The following RNF168 variants were observed in gnomAD, a reference collection of about 807,000 sequenced individuals.
RNF168 encodes the protein ring finger protein 168, also known as E3 ubiquitin-protein ligase RNF168.
Under a neutral mutation model 34.9 loss-of-function variants are expected in RNF168, and 34 were observed. The observed-to-expected ratio is 0.97, with a 90% CI of 0.74 to 1.30. The LOEUF (loss-of-function observed/expected upper bound fraction) is 1.30. Among genes scored for constraint, RNF168 ranks in the 50% most tolerant of loss-of-function variants. RNF168 has a pLI of 0.00. For synonymous variants in RNF168, 264 were observed against 254.7 expected (o/e 1.04, Z -0.35); for missense variants, 725 against 682.5 (o/e 1.06, Z -0.69).
chr3:196,479,461 G>A lies in RNF168; in HGVS notation c.681-4149C>T, dbSNP rs77684804. 1.2e-4 allele frequency among the ~76,000 whole-genome samples: 18 copies of A among 151,608 alleles called. No homozygotes were observed. The East Asian group carries it at 1.9e-3, about 16-fold the overall frequency. On this transcript the variant is annotated intron_variant, in intron 4 of 5. Coordinates refer to ENST00000318037, the MANE Select transcript of RNF168 (RefSeq NM_152617.4). ...CTGAGACCACAGGCACACCACGCCC[G>A]GCTAATTTTTGTTATTTTTTGTAGA...
intron 4 of RNF168, among the ~76,000 whole-genome samples, chr3:196,477,928 AG>A (rs1732186032): frequency 1.3e-5 from 2 of 152,166 alleles, no homozygotes; most frequent in Non-Finnish European, 2.9e-5. Flanking sequence ...AAAATTAAAA[AG>A]AAAAATTAGC....
Position 196,503,351 on chromosome 3 carries a change from G to A in RNF168, c.-178C>T, listed in dbSNP as rs1361104007. 11 of 653,532 alleles carry A rather than the reference G, an allele frequency of 1.7e-5. No individual in the cohort carries two copies. The highest frequency in any genetic ancestry group is 2.5e-5 in the Non-Finnish European group (9 of 366,796). The allele number at this position is 653,532 out of a possible 1,614,324, so 40.5% of individuals were successfully genotyped here. The stretch of plus-strand genomic sequence containing the variant: ...TCTTGAAGCAAAAAGGCGCTCTCAG[G>A]GTCAGGCAAACAGGAATACCCCGGA... On this transcript the variant is annotated 5_prime_UTR_variant, in exon 1 of 6. Coordinates refer to ENST00000318037, the MANE Select transcript of RNF168 (RefSeq NM_152617.4).
Position 196,487,274 on chromosome 3 carries a change from G to A in RNF168, c.558+125C>T, listed in dbSNP as rs972652763. 2.2e-5 allele frequency: 20 copies of A among 894,724 alleles called. No homozygotes were observed. The African/African-American group carries it at 3.1e-4, about 14-fold the overall frequency. 55.4% of individuals were successfully genotyped at this position (894,724 alleles called of 1,614,324 possible). On this transcript the variant is annotated intron_variant, in intron 3 of 5. Transcript: ENST00000318037. Reference sequence around the variant, plus strand: ...ACTCAAATCCAACCAGCCTGGGGTGGAAAAGACAATATTTGTGGGATGCAG... The same window carrying A: ...ACTCAAATCCAACCAGCCTGGGGTGAAAAAGACAATATTTGTGGGATGCAG...
In RNF168 at chr3:196,478,502, C is replaced by T. The variant is rs137985286; in HGVS notation, c.681-3190G>A. ...TTCCGACATGTGGCTCCACGGGAGT[C>T]GCTCTCGGCCTACTCTGGCTCGAGA... On this transcript the variant is annotated intron_variant, in intron 4 of 5. Coordinates refer to ENST00000318037, the MANE Select transcript of RNF168 (RefSeq NM_152617.4). 6.8e-3 allele frequency among the ~76,000 whole-genome samples: 1,035 copies of T among 152,294 alleles called. 15 individuals are homozygous for T. The highest frequency in any genetic ancestry group is 0.024 in the Middle Eastern group (7 of 294).
At chr3:196,493,128 C>T (rs1480329437) in intron 1 of RNF168, among the ~76,000 whole-genome samples, 1 of 152,098 alleles carries the variant, frequency 6.6e-6, no homozygotes, top group Non-Finnish European at 1.5e-5. Context: ...GAATTAGTGT[C>T]CAGAATATAA....
chr3:196,495,244 T>TCACCA (rs1320773276), intron 1 of RNF168, among the ~76,000 whole-genome samples: 1 of 152,174 alleles, frequency 6.6e-6, no homozygotes, highest in African/African-American at 2.4e-5. Context: ...ACCAAATCCT[T>TCACCA]ACGTGTCCAC....
At chr3:196,473,796 T>C (rs1440305703) in intron 5 of RNF168, among the ~76,000 whole-genome samples, 2 of 151,530 alleles carry the variant, frequency 1.3e-5, no homozygotes, top group Non-Finnish European at 2.9e-5. Context: ...GCCTGGACGA[T>C]GGATTCTCTC....
intron 2 of RNF168, 131 bp from the exon 3 acceptor site, chr3:196,487,709 AAT>A: frequency 1.1e-6 from 1 of 886,556 alleles, no homozygotes. Flanking sequence ...ATGAAGTACA[AAT>A]CTGGAGAAGT....
intron 4 of RNF168, among the ~76,000 whole-genome samples, chr3:196,478,857 G>A (rs1489926001): frequency 2.7e-5 from 4 of 149,420 alleles, no homozygotes; most frequent in Non-Finnish European, 5.9e-5. Context: ...GGTAGAGACA[G>A]GCTGATCTCG....
chr3:196,495,884 CT>C (rs1457616934), intron 1 of RNF168, among the ~76,000 whole-genome samples: 1 of 152,154 alleles, frequency 6.6e-6, no homozygotes, highest in Non-Finnish European at 1.5e-5. Flanking sequence ...CTATAGGATT[CT>C]TTTTTGAGAA....
intron 4 of RNF168, among the ~76,000 whole-genome samples, chr3:196,475,845 C>T (rs148080645): frequency 0.04 from 5,734 of 143,012 alleles, 357 homozygotes; most frequent in African/African-American, 0.14. Flanking sequence ...CCACTGAGCC[C>T]GGCTAAATAT....
intron 3 of RNF168, among the ~76,000 whole-genome samples, chr3:196,484,511 T>C (rs1732377944): frequency 2.2e-5 from 3 of 137,594 alleles, no homozygotes; most frequent in Non-Finnish European, 3.1e-5. Flanking sequence ...AGACAGGGTC[T>C]CACTCTGTCG....
intron 1 of RNF168, among the ~76,000 whole-genome samples, chr3:196,498,992 CAA>C (rs1247376784): frequency 4.5e-5 from 6 of 132,422 alleles, no homozygotes; most frequent in Non-Finnish European, 3.3e-5. Context: ...AAGACTGTCT[CAA>C]AAAAAAAAAA....
chr3:196,475,552 C>CTTTT (rs771089639), intron 4 of RNF168, among the ~76,000 whole-genome samples: 17 of 133,442 alleles, frequency 1.3e-4, no homozygotes, highest in South Asian at 2.3e-4. Context: ...AATATTTTTT[C>CTTTT]TTTTTTTTTT....
intron 4 of RNF168, among the ~76,000 whole-genome samples, chr3:196,476,740 T>C (rs1409183103): frequency 6.7e-6 from 1 of 149,870 alleles, no homozygotes; most frequent in Non-Finnish European, 1.5e-5. Context: ...TAGAAACACA[T>C]ATCTTTACAT....
intron 2 of RNF168, 26 bp from the exon 3 acceptor site, chr3:196,487,604 T>C: frequency 6.2e-7 from 1 of 1,609,476 alleles, no homozygotes; most frequent in Non-Finnish European, 8.5e-7. Flanking sequence ...TAAAGAGCAA[T>C]CCTTCTCTGA....
intron 4 of RNF168, among the ~76,000 whole-genome samples, chr3:196,477,550 A>C (rs73891251): frequency 0.039 from 5,923 of 152,304 alleles, 372 homozygotes; most frequent in African/African-American, 0.13. Context: ...AGTTGAAAAG[A>C]AGCTTAGTCT....
At chr3:196,485,886 G>A (rs1041036682) in intron 3 of RNF168, among the ~76,000 whole-genome samples, 1 of 152,236 alleles carries the variant, frequency 6.6e-6, no homozygotes, top group African/African-American at 2.4e-5. Context: ...TCTCAAACCT[G>A]AATGTTTCAC....
intron 1 of RNF168, among the ~76,000 whole-genome samples, chr3:196,489,762 GCCT>G (rs1208733441): frequency 3.9e-5 from 6 of 152,190 alleles, no homozygotes; most frequent in African/African-American, 1.4e-4. Context: ...AAGGGAATCT[GCCT>G]CCTATTTGCC....
Sources: gnomAD v4.1 joint callset for allele counts (sites outside exome capture counted in the v4.1 genomes callset) on GRCh38, gnomAD v4.1.1 for gene constraint, MANE v1.5 for transcripts, NCBI Gene and HGNC (gene_info 2026-07-23, HGNC 2026-07-21) for gene names.